PALLD: variants seen among roughly 807,000 people sequenced by gnomAD.
PALLD encodes palladin.
Under a neutral mutation model 123.5 loss-of-function variants are expected in PALLD, and 61 were observed. That is an observed-to-expected ratio of 0.49 (90% CI 0.40 to 0.61). The LOEUF is 0.61. Ranked by LOEUF, PALLD falls within the 20% of genes least tolerant of loss-of-function variation. The pLI, the probability that PALLD is intolerant of heterozygous loss-of-function variation, is 0.00. For synonymous variants in PALLD, 465 were observed against 496.4 expected (o/e 0.94, Z 0.84); for missense variants, 1,273 against 1,377.0 (o/e 0.92, Z 1.20).
chr4:168,753,573 G>A lies in PALLD; in HGVS notation c.1964+41650G>A, dbSNP rs574935450. The stretch of plus-strand genomic sequence containing the variant: ...CAGAGTTGGTCTGTGTAACTCACAG[G>A]GTGTAGTGGGGGTGACAGTGTGTCA... On this transcript the variant is annotated intron_variant, in intron 10 of 21. Transcript: ENST00000505667. Among the ~76,000 whole-genome samples the A allele has an allele frequency of 5.3e-5, 8 of 152,192 alleles. No individual in the cohort carries two copies. In the East Asian group the frequency reaches 1.5e-3, roughly 29 times the overall value.
At chr4:168,507,818 T>A (rs1249514599) in intron 1 of PALLD, 1 of 175,598 alleles carries the variant, frequency 5.7e-6, no homozygotes, top group Non-Finnish European at 1.2e-5. Context: ...TCCTGCTTTC[T>A]AGCCTTATCT....
chr4:168,894,262 A>G (rs1319045541), intron 11 of PALLD: 7 of 364,388 alleles, frequency 1.9e-5, no homozygotes, highest in East Asian at 6.2e-5. Flanking sequence ...TGCTGTTTAA[A>G]TATCTTTTTT....
chr4:168,776,259 TTATTCC>T (rs1192117676), intron 10 of PALLD, among the ~76,000 whole-genome samples: 1 of 152,220 alleles, frequency 6.6e-6, no homozygotes, highest in Admixed American at 6.5e-5. Flanking sequence ...TTTGTTAGAT[TTATTCC>T]TATTTTATGT....
At chr4:168,739,839 G>A (rs763323979) in intron 10 of PALLD, among the ~76,000 whole-genome samples, 2 of 152,150 alleles carry the variant, frequency 1.3e-5, no homozygotes, top group South Asian at 2.1e-4. Flanking sequence ...TATTTACTGC[G>A]TGAATTTTTG....
chr4:168,684,516 A>G (rs1430435886), intron 5 of PALLD, among the ~76,000 whole-genome samples: 2 of 152,214 alleles, frequency 1.3e-5, no homozygotes, highest in Admixed American at 1.3e-4. Flanking sequence ...CTTCATCTGT[A>G]AAATGAAGAT....
chr4:168,820,924 A>G (rs755169634), intron 10 of PALLD, among the ~76,000 whole-genome samples: 4 of 152,210 alleles, frequency 2.6e-5, no homozygotes, highest in Non-Finnish European at 5.9e-5. Context: ...AAGGAATCTA[A>G]TGATACTATT....
chr4:168,709,542 GGAAGGAAGGA>G (rs1784545309), intron 9 of PALLD, among the ~76,000 whole-genome samples: 1 of 932 alleles, frequency 1.1e-3, no homozygotes, highest in East Asian at 0.016. Context: ...AAGGAAGGAA[GGAAGGAAGGA>G]AGGAAGGAAG....
intron 10 of PALLD, among the ~76,000 whole-genome samples, chr4:168,765,792 G>A (rs1356726346): frequency 1.3e-5 from 2 of 151,622 alleles, no homozygotes; most frequent in African/African-American, 4.9e-5. Flanking sequence ...TACTAGTGAG[G>A]TCAGCAATTC....
chr4:168,826,191 A>C (rs555990342), intron 10 of PALLD, among the ~76,000 whole-genome samples: 4 of 152,186 alleles, frequency 2.6e-5, no homozygotes, highest in Admixed American at 6.5e-5. Context: ...AGGGTGCTCA[A>C]TAGTGAGTCA....
chr4:168,918,411 ATGT>A (rs758156799), intron 17 of PALLD, among the ~76,000 whole-genome samples: 1 of 152,036 alleles, frequency 6.6e-6, no homozygotes, highest in African/African-American at 2.4e-5. Flanking sequence ...GGAGGACATA[ATGT>A]TAAGTGAAAT....
intron 10 of PALLD, among the ~76,000 whole-genome samples, chr4:168,763,457 C>CA (rs1379435401): frequency 6.6e-6 from 1 of 152,192 alleles, no homozygotes; most frequent in Non-Finnish European, 1.5e-5. Flanking sequence ...CCAAGCCTCA[C>CA]ATGGAGTAAG....
intron 2 of PALLD, among the ~76,000 whole-genome samples, chr4:168,630,164 G>A (rs1396868414): frequency 2.0e-5 from 3 of 152,194 alleles, no homozygotes; most frequent in African/African-American, 7.2e-5. Context: ...TGAGAAAGGT[G>A]GTAAGGATCT....
intron 10 of PALLD, among the ~76,000 whole-genome samples, chr4:168,720,040 C>CT (rs1247953548): frequency 1.3e-5 from 2 of 152,148 alleles, no homozygotes; most frequent in African/African-American, 4.8e-5. Flanking sequence ...CACCATTCAT[C>CT]CCCTCACTGT....
intron 2 of PALLD, among the ~76,000 whole-genome samples, chr4:168,538,031 T>A (rs1226843557): frequency 6.6e-6 from 1 of 152,246 alleles, no homozygotes; most frequent in Non-Finnish European, 1.5e-5. Flanking sequence ...TTGGATCTTT[T>A]CCCTGTTTTA....
chr4:168,623,586 A>G (rs1201758836), intron 2 of PALLD, among the ~76,000 whole-genome samples: 1 of 152,202 alleles, frequency 6.6e-6, no homozygotes, highest in Non-Finnish European at 1.5e-5. Flanking sequence ...CGAACTGCCT[A>G]ACAGAAGGAA....
At chr4:168,657,432 T>C (rs1316100461) in intron 2 of PALLD, among the ~76,000 whole-genome samples, 1 of 152,252 alleles carries the variant, frequency 6.6e-6, no homozygotes, top group Non-Finnish European at 1.5e-5. Flanking sequence ...ATAAGGAAAC[T>C]ATAACCCCAA....
intron 2 of PALLD, among the ~76,000 whole-genome samples, chr4:168,627,854 T>C (rs1162237961): frequency 1.3e-5 from 2 of 152,182 alleles, no homozygotes; most frequent in Non-Finnish European, 2.9e-5. Flanking sequence ...AATTGGCTCT[T>C]AAATATATAA....
chr4:168,922,483 C>T (rs1262556161), intron 18 of PALLD, among the ~76,000 whole-genome samples: 1 of 152,150 alleles, frequency 6.6e-6, no homozygotes, highest in East Asian at 1.9e-4. Flanking sequence ...TCTGAATTTT[C>T]CAGGGTCCCA....
intron 10 of PALLD, among the ~76,000 whole-genome samples, chr4:168,718,759 C>A (rs1045146754): frequency 6.6e-6 from 1 of 152,164 alleles, no homozygotes; most frequent in Non-Finnish European, 1.5e-5. Context: ...CTACCCACCA[C>A]ATATACTGTT....
Sources: allele counts gnomAD v4.1 joint callset (sites outside exome capture counted in the v4.1 genomes callset), GRCh38; gene constraint gnomAD v4.1.1; transcripts MANE v1.5; gene names NCBI Gene and HGNC (gene_info 2026-07-23, HGNC 2026-07-21).